Variants in PCDHA2 observed in about 807,000 individuals in gnomAD.
PCDHA2 encodes the protein protocadherin alpha-2.
Under a neutral mutation model 66.0 loss-of-function variants are expected in PCDHA2, and 58 were observed. That is an observed-to-expected ratio of 0.88 (90% CI 0.71 to 1.09). The LOEUF (loss-of-function observed/expected upper bound fraction) is 1.09, where lower values mean the gene tolerates loss of function less well. Ranked by LOEUF, PCDHA2 falls within the 50% of genes least tolerant of loss-of-function variation. The pLI is 0.00. For synonymous variants in PCDHA2, 634 were observed against 554.0 expected (o/e 1.14, Z -2.03); for missense variants, 1,267 against 1,242.3 (o/e 1.02, Z -0.30).
chr5:140,808,726 GA>G (rs1562219079), intron 1 of PCDHA2: 1 of 1,612,212 alleles, frequency 6.2e-7, no homozygotes, highest in Non-Finnish European at 8.5e-7. Flanking sequence ...TGCATGCGGA[GA>G]GCGGCAAGGT....
chr5:140,875,918 A>T, intron 1 of PCDHA2: 1 of 1,613,782 alleles, frequency 6.2e-7, no homozygotes, highest in Non-Finnish European at 8.5e-7. Flanking sequence ...GCGCCTCTGG[A>T]CTCTCATTTT....
chr5:140,999,603 G>C (rs552647484), intron 3 of PCDHA2, among the ~76,000 whole-genome samples: 1 of 152,246 alleles, frequency 6.6e-6, no homozygotes, highest in South Asian at 2.1e-4. Flanking sequence ...TACATCCTGG[G>C]GGACCTTATC....
intron 1 of PCDHA2, among the ~76,000 whole-genome samples, chr5:140,945,113 T>C (rs1359604882): frequency 2.6e-5 from 4 of 152,084 alleles, no homozygotes; most frequent in African/African-American, 4.8e-5. Flanking sequence ...AGTTGAAAGA[T>C]AAAAAATCAA....
intron 3 of PCDHA2, among the ~76,000 whole-genome samples, chr5:140,991,228 TGCAGTGGTAAAG>T (rs1452293099): frequency 1.1e-4 from 16 of 152,220 alleles, no homozygotes; most frequent in Non-Finnish European, 2.4e-4. Flanking sequence ...CATTAATAAA[TGCAGTGGTAAAG>T]GCAGTATTTG....
chr5:140,954,895 A>G (rs782412576), intron 1 of PCDHA2, among the ~76,000 whole-genome samples: 66 of 152,096 alleles, frequency 4.3e-4, no homozygotes, highest in African/African-American at 1.4e-3. Context: ...TAGGGTTTTT[A>G]TAGTTTCATA....
At chr5:140,932,415 T>C (rs1183410119) in intron 1 of PCDHA2, among the ~76,000 whole-genome samples, 2 of 151,922 alleles carry the variant, frequency 1.3e-5, no homozygotes, top group African/African-American at 4.8e-5. Context: ...GTTATATTAG[T>C]GTATTGTTCA....
intron 1 of PCDHA2, among the ~76,000 whole-genome samples, chr5:140,958,853 G>T (rs897789588): frequency 1.3e-5 from 2 of 151,804 alleles, no homozygotes; most frequent in Non-Finnish European, 2.9e-5. Context: ...AGTGTCTTTG[G>T]TTTACTGGGT....
At chr5:140,803,141 G>C (rs782312882) in intron 1 of PCDHA2, 2 of 1,613,872 alleles carry the variant, frequency 1.2e-6, no homozygotes, top group South Asian at 2.2e-5. Context: ...ATCGCCTACT[G>C]GTGCTGGTGA....
chr5:140,969,019 G>A (rs782394566), intron 1 of PCDHA2: 61 of 1,614,046 alleles, frequency 3.8e-5, no homozygotes, highest in Non-Finnish European at 4.7e-5. Flanking sequence ...TAAGGGAAAG[G>A]TCCCCTGCAG....
chr5:140,822,479 A>G, intron 1 of PCDHA2: 5 of 1,613,856 alleles, frequency 3.1e-6, no homozygotes, highest in Non-Finnish European at 4.2e-6. Context: ...TTGGATGCTA[A>G]TGATAACGCC....
chr5:140,807,673 C>G (rs1764003393), intron 1 of PCDHA2: 1 of 1,614,182 alleles, frequency 6.2e-7, no homozygotes, highest in Non-Finnish European at 8.5e-7. Context: ...ATGCAGATAT[C>G]GGGGAGAACG....
intron 1 of PCDHA2, chr5:140,834,286 C>A: frequency 2.6e-6 from 3 of 1,172,442 alleles, no homozygotes; most frequent in Non-Finnish European, 2.4e-6. Flanking sequence ...GGATGCACAA[C>A]AATGGCCACA....
chr5:140,858,376 A>ACATC, intron 1 of PCDHA2: 1 of 1,587,998 alleles, frequency 6.3e-7, no homozygotes, highest in Non-Finnish European at 8.6e-7. Flanking sequence ...GCCTTCCACC[A>ACATC]TGCCCAATGG....
intron 1 of PCDHA2, among the ~76,000 whole-genome samples, chr5:140,969,673 G>A (rs1226601717): frequency 3.3e-5 from 5 of 152,170 alleles, no homozygotes; most frequent in African/African-American, 9.7e-5. Flanking sequence ...AATGTTATGA[G>A]ACTCAAGGAG....
Position 140,861,518 on chromosome 5 carries a change from G to A in PCDHA2, c.2388+64166G>A, listed in dbSNP as rs560386977. The A allele has an allele frequency of 1.0e-3, 481 of 461,708 alleles. 1 individual carries two copies. Among genetic ancestry groups the A allele is most frequent in the African/African-American group, 8.4e-3 (422 of 50,046 alleles). The allele number at this position is 461,708 out of a possible 1,614,324, so 28.6% of individuals were successfully genotyped here. A position where few individuals can be genotyped will look rare whatever the true frequency, so the allele number is the denominator to read the frequency against. On this transcript the variant is annotated intron_variant, in intron 1 of 3. Transcript: ENST00000526136. The stretch of plus-strand genomic sequence containing the variant: ...TGATAGACCTCGAGGAGCTGTGTGG[G>A]AGGATCTCGGAGTGCAGCATCCACC...
intron 1 of PCDHA2, chr5:140,808,203 A>C (rs1554124450): frequency 6.2e-7 from 1 of 1,614,250 alleles, no homozygotes; most frequent in Admixed American, 1.7e-5. Flanking sequence ...GTTATTGTGG[A>C]AGTAGAAGAC....
intron 3 of PCDHA2, among the ~76,000 whole-genome samples, chr5:141,000,552 C>T (rs2097946627): frequency 1.3e-5 from 2 of 149,102 alleles, no homozygotes; most frequent in Admixed American, 1.3e-4. Context: ...CTCAAACTCC[C>T]GAGTAGCTGG....
At chr5:140,829,239 G>A (rs2150164534) in intron 1 of PCDHA2, 2 of 1,614,238 alleles carry the variant, frequency 1.2e-6, no homozygotes, top group East Asian at 2.2e-5. Context: ...GGTGCCAACG[G>A]GCAGGTGAAC....
chr5:140,863,022 C>T (rs1339638342), intron 1 of PCDHA2: 3 of 554,506 alleles, frequency 5.4e-6, no homozygotes, highest in Non-Finnish European at 7.1e-6. Flanking sequence ...GCCTGGTTGT[C>T]GCAACAGCTG....
Sources: allele counts gnomAD v4.1 joint callset (sites outside exome capture counted in the v4.1 genomes callset), GRCh38; gene constraint gnomAD v4.1.1; transcripts MANE v1.5; gene names NCBI Gene and HGNC (gene_info 2026-07-23, HGNC 2026-07-21).